AOPEP: variants seen among roughly 807,000 people sequenced by gnomAD.
AOPEP encodes aminopeptidase O (putative), also known as aminopeptidase O.
In AOPEP, 77 loss-of-function variants were observed where a neutral mutation model predicts 98.1. The ratio of observed to expected loss-of-function variants is 0.78; its 90% CI spans 0.65 to 0.95. AOPEP has a LOEUF of 0.95. AOPEP is among the 40% of genes least tolerant of loss of function. The pLI, the probability that AOPEP is intolerant of heterozygous loss-of-function variation, is 0.00. For missense variants in AOPEP, 1,024 were observed against 1,024.7 expected (o/e 1.00, Z 0.01); for synonymous variants, 346 against 365.3 (o/e 0.95, Z 0.60).
At chr9:95,076,566 T>G (rs1461118011) in intron 14 of AOPEP, among the ~76,000 whole-genome samples, 1 of 152,214 alleles carries the variant, frequency 6.6e-6, no homozygotes, top group Non-Finnish European at 1.5e-5. Context: ...AGATATCCTA[T>G]TAAATAATCA....
chr9:94,745,712 C>T (rs543669197), intron 1 of AOPEP, among the ~76,000 whole-genome samples: 42 of 152,264 alleles, frequency 2.8e-4, no homozygotes, highest in African/African-American at 9.9e-4. Flanking sequence ...TTCTTTTTAA[C>T]TGCTGAGTAG....
chr9:95,135,829 C>T, the AOPEP span, among the ~76,000 whole-genome samples: 24 of 152,324 alleles, frequency 1.6e-4, no homozygotes, highest in East Asian at 4.4e-3. Context: ...GATGCCCAGT[C>T]CCTAACTGAA....
intron 1 of AOPEP, among the ~76,000 whole-genome samples, chr9:94,744,701 CAAAAAAAAAAAAA>C (rs757571360): frequency 1.8e-5 from 1 of 56,070 alleles, no homozygotes; most frequent in Non-Finnish European, 3.9e-5. Context: ...GACTCTGTCT[CAAAAAAAAAAAAA>C]AAAAAAAAGA....
At chr9:95,070,057 G>T (rs777018016) in intron 14 of AOPEP, among the ~76,000 whole-genome samples, 20 of 152,230 alleles carry the variant, frequency 1.3e-4, no homozygotes, top group Non-Finnish European at 2.8e-4. Flanking sequence ...AAACACAAAT[G>T]TGGACAGCCC....
intron 3 of AOPEP, among the ~76,000 whole-genome samples, chr9:94,782,097 G>A: frequency 6.6e-6 from 1 of 151,834 alleles, no homozygotes; most frequent in East Asian, 2.0e-4. Flanking sequence ...GGCTGAGGCA[G>A]GAGAATTGCT....
chr9:94,920,508 G>C (rs2053467213), intron 5 of AOPEP, among the ~76,000 whole-genome samples: 1 of 152,168 alleles, frequency 6.6e-6, no homozygotes, highest in African/African-American at 2.4e-5. Flanking sequence ...GGGCCGCCAA[G>C]TGCTGGGTCG....
intron 5 of AOPEP, among the ~76,000 whole-genome samples, chr9:94,923,344 G>C (rs542239364): frequency 1.3e-5 from 2 of 152,294 alleles, no homozygotes; most frequent in East Asian, 3.9e-4. Context: ...CTTTCTGTCA[G>C]CATAATTTTG....
chr9:94,804,411 T>C (rs1194643000), intron 5 of AOPEP, among the ~76,000 whole-genome samples: 1 of 152,226 alleles, frequency 6.6e-6, no homozygotes, highest in African/African-American at 2.4e-5. Context: ...TTGCAACTTA[T>C]TTCAGAGTGG....
At chr9:94,743,020 AGAG>A (rs1005394691) in intron 1 of AOPEP, among the ~76,000 whole-genome samples, 7 of 152,110 alleles carry the variant, frequency 4.6e-5, no homozygotes, top group Non-Finnish European at 8.8e-5. Context: ...GACTTCAGAA[AGAG>A]AAGAGGGCCC....
rs187127054 is a variant in AOPEP, at chr9:94,814,791, G to A, written c.1364+13789G>A. Among the ~76,000 whole-genome samples, 14 of 152,302 alleles carry A rather than the reference G, an allele frequency of 9.2e-5. No homozygotes were observed. The East Asian group carries it at 2.3e-3, about 25-fold the overall frequency. Reference sequence around the variant, plus strand: ...CGGTATTCGGGTAAGTATGGCATAAGGATTTTGCACTGTCGGACGTAAGGG... The same window carrying A: ...CGGTATTCGGGTAAGTATGGCATAAAGATTTTGCACTGTCGGACGTAAGGG... On this transcript the variant is annotated intron_variant, in intron 5 of 16. Coordinates refer to ENST00000375315, the MANE Select transcript of AOPEP (RefSeq NM_001193329.3).
At chr9:95,082,450 T>G (rs1373136148) in intron 15 of AOPEP, 125 bp from the exon 16 acceptor site, 5 of 1,074,964 alleles carry the variant, frequency 4.7e-6, no homozygotes, top group Non-Finnish European at 6.6e-6. Context: ...CTCTGTCTTC[T>G]CTGGGGTCTT....
intron 1 of AOPEP, among the ~76,000 whole-genome samples, chr9:94,746,567 A>G (rs1473381728): frequency 1.3e-5 from 2 of 152,230 alleles, no homozygotes; most frequent in African/African-American, 2.4e-5. Flanking sequence ...GAAACATGCT[A>G]TACTTTGCAA....
chr9:94,824,872 G>A (rs1053847664), intron 5 of AOPEP: 1 of 39,976 alleles, frequency 2.5e-5, no homozygotes, highest in Non-Finnish European at 4.8e-5. Context: ...CCCATTTGGT[G>A]AGTGTTTTTT....
At chr9:95,082,770 T>G in intron 16 of AOPEP, 51 bp downstream of exon 16, 2 of 1,592,060 alleles carry the variant, frequency 1.3e-6, no homozygotes, top group Middle Eastern at 1.7e-4. Flanking sequence ...AGATACTCCT[T>G]TTAGGAGCCA....
At chr9:94,840,722 G>A (rs2042170747) in intron 5 of AOPEP, among the ~76,000 whole-genome samples, 1 of 151,944 alleles carries the variant, frequency 6.6e-6, no homozygotes, top group Admixed American at 6.6e-5. Flanking sequence ...GGAGAGTTTT[G>A]GAAGTTTATA....
chr9:95,025,321 C>T (rs2063759636), intron 13 of AOPEP, among the ~76,000 whole-genome samples: 2 of 152,232 alleles, frequency 1.3e-5, no homozygotes, highest in Non-Finnish European at 2.9e-5. Context: ...CCTACTCCTT[C>T]CAGCCTTCTG....
intron 5 of AOPEP, among the ~76,000 whole-genome samples, chr9:94,919,514 T>C (rs933083865): frequency 1.2e-4 from 18 of 152,166 alleles, no homozygotes; most frequent in African/African-American, 3.9e-4. Flanking sequence ...AAGCATCTCC[T>C]ACGTTAGGCT....
At chr9:94,906,477 A>AATAATG (rs1445513223) in intron 5 of AOPEP, among the ~76,000 whole-genome samples, 1 of 127,860 alleles carries the variant, frequency 7.8e-6, no homozygotes. Context: ...TAATAATAAT[A>AATAATG]ATAATAAAAA....
intron 4 of AOPEP, among the ~76,000 whole-genome samples, chr9:94,798,072 T>C (rs183369208): frequency 4.6e-5 from 7 of 152,178 alleles, no homozygotes; most frequent in African/African-American, 1.7e-4. Flanking sequence ...ATGTTAAAGA[T>C]GGGGAAAAAG....
Sources: allele counts gnomAD v4.1 joint callset (sites outside exome capture counted in the v4.1 genomes callset), GRCh38; gene constraint gnomAD v4.1.1; transcripts MANE v1.5; gene names NCBI Gene and HGNC (gene_info 2026-07-23, HGNC 2026-07-21).